Variants in RGS5 observed in about 807,000 individuals in gnomAD.
RGS5 encodes regulator of G protein signaling 5.
RGS5 carries 20 observed loss-of-function variants against 18.9 expected under a neutral mutation model. That is an observed-to-expected ratio of 1.06 (90% CI 0.74 to 1.54). The LOEUF (loss-of-function observed/expected upper bound fraction) is 1.54, where lower values mean the gene tolerates loss of function less well. RGS5 is among the 40% of genes most tolerant of loss of function. RGS5 has a pLI of 0.00. For missense variants in RGS5, 201 were observed against 211.8 expected, an observed-to-expected ratio of 0.95 and a Z score of 0.32; for synonymous variants, 57 against 76.2, an observed-to-expected ratio of 0.75 and a Z score of 1.31.
upstream of RGS5, chr1:163,217,730 G>A: frequency 1.7e-6 from 2 of 1,211,080 alleles, no homozygotes; most frequent in Non-Finnish European, 2.2e-6. Flanking sequence ...TTGAGCTACT[G>A]ACTAAAAGTA....
At position 163,144,545 on chromosome 1, in the gene RGS5, A is replaced by T. The variant is rs1004467951; in HGVS notation, c.*2797T>A. 1 of 152,520 alleles carries T rather than the reference A, an allele frequency of 6.6e-6. No individual in the cohort carries two copies. The allele number at this position is 152,520 out of a possible 1,614,324, so 9.4% of individuals were successfully genotyped here. A position where few individuals can be genotyped will look rare whatever the true frequency, so the allele number is the denominator to read the frequency against. ...CCTCAATTCACTCCCAACAGTAGTT[A>T]CGTTTTCACAGGGGAGGAAAACGCC... On this transcript the variant is annotated 3_prime_UTR_variant, in exon 5 of 5. Transcript: ENST00000313961.
intron 1 of RGS5, among the ~76,000 whole-genome samples, chr1:163,198,699 A>G (rs1659664551): frequency 6.6e-6 from 1 of 152,118 alleles, no homozygotes. Flanking sequence ...AGTAGCAATC[A>G]TAGCTCACTA....
upstream of RGS5, among the ~76,000 whole-genome samples, chr1:163,218,278 T>G (rs908373228): frequency 6.6e-6 from 1 of 152,192 alleles, no homozygotes; most frequent in African/African-American, 2.4e-5. Flanking sequence ...AATTTAGCAT[T>G]TCCTATAATT....
chr1:163,242,973 C>T (rs911951469), intron 2 of RGS5, among the ~76,000 whole-genome samples: 1 of 152,126 alleles, frequency 6.6e-6, no homozygotes, highest in Non-Finnish European at 1.5e-5. Flanking sequence ...TATGTGTTTG[C>T]AAACATTCTA....
intron 1 of RGS5, among the ~76,000 whole-genome samples, chr1:163,178,136 C>T (rs1372906383): frequency 6.6e-6 from 1 of 152,006 alleles, no homozygotes; most frequent in African/African-American, 2.4e-5. Flanking sequence ...ACACTCCCCG[C>T]CGTCTCTTCT....
chr1:163,313,533 G>C (rs1649931153), intron 1 of RGS5, among the ~76,000 whole-genome samples: 1 of 152,154 alleles, frequency 6.6e-6, no homozygotes, highest in African/African-American at 2.4e-5. Flanking sequence ...CATATGTAGG[G>C]CATCTCTGAA....
chr1:163,225,685 C>A (rs1647317024), intron 2 of RGS5, among the ~76,000 whole-genome samples: 1 of 152,112 alleles, frequency 6.6e-6, no homozygotes, highest in African/African-American at 2.4e-5. Context: ...TACCCTGAGG[C>A]ACTTGCTGCA....
At chr1:163,200,658 T>C (rs1659740862) in intron 1 of RGS5, among the ~76,000 whole-genome samples, 1 of 152,124 alleles carries the variant, frequency 6.6e-6, no homozygotes, top group Non-Finnish European at 1.5e-5. Context: ...TAATTAGAAA[T>C]TACAATGACC....
At chr1:163,276,192 C>T (rs1036878117) in intron 2 of RGS5, among the ~76,000 whole-genome samples, 2 of 152,056 alleles carry the variant, frequency 1.3e-5, no homozygotes, top group African/African-American at 2.4e-5. Flanking sequence ...CGGGGTTTCT[C>T]CATGTTGGTC....
At chr1:163,220,170 T>G (rs1456861437), upstream of RGS5, among the ~76,000 whole-genome samples, 1 of 152,222 alleles carries the variant, frequency 6.6e-6, no homozygotes, top group Non-Finnish European at 1.5e-5. Flanking sequence ...GTTGAGCTCC[T>G]TTATATGTAC....
At chr1:163,318,190 G>A (rs941606359) in intron 1 of RGS5, among the ~76,000 whole-genome samples, 3 of 152,152 alleles carry the variant, frequency 2.0e-5, no homozygotes, top group Admixed American at 1.3e-4. Flanking sequence ...TCATGAATGC[G>A]AAGTGGGTAG....
At chr1:163,173,148 A>G (rs917777679) in intron 1 of RGS5, among the ~76,000 whole-genome samples, 1 of 152,174 alleles carries the variant, frequency 6.6e-6, no homozygotes, top group East Asian at 1.9e-4. Flanking sequence ...GCTCTATTTG[A>G]CTGCACACTA....
chr1:163,205,764 A>G (rs995476158), upstream of RGS5, among the ~76,000 whole-genome samples: 2 of 152,230 alleles, frequency 1.3e-5, no homozygotes, highest in African/African-American at 4.8e-5. Flanking sequence ...TCATCAGATG[A>G]AAAGGATCTC....
At chr1:163,181,871 C>A (rs796496839) in intron 1 of RGS5, among the ~76,000 whole-genome samples, 10 of 152,188 alleles carry the variant, frequency 6.6e-5, no homozygotes, top group African/African-American at 2.2e-4. Context: ...TCTTACTTAC[C>A]AGCAGAGTGA....
intron 1 of RGS5, among the ~76,000 whole-genome samples, chr1:163,214,422 C>T (rs774546378): frequency 2.6e-4 from 39 of 152,120 alleles, no homozygotes; most frequent in African/African-American, 8.0e-4. Flanking sequence ...CCTTCAGAAA[C>T]GAACACCTTC....
At chr1:163,169,808 T>TA (rs1406615726) in intron 1 of RGS5, among the ~76,000 whole-genome samples, 2 of 152,178 alleles carry the variant, frequency 1.3e-5, no homozygotes, top group African/African-American at 2.4e-5. Flanking sequence ...TATTTCTCTA[T>TA]AAAATTTTTG....
At chr1:163,176,621 C>CAAAAA (rs11397464) in intron 1 of RGS5, among the ~76,000 whole-genome samples, 1 of 142,022 alleles carries the variant, frequency 7.0e-6, no homozygotes, top group African/African-American at 2.6e-5. Flanking sequence ...AACTCAGTCT[C>CAAAAA]AAAAAAAAAA....
At chr1:163,180,292 A>G (rs967891442) in intron 1 of RGS5, among the ~76,000 whole-genome samples, 2 of 152,166 alleles carry the variant, frequency 1.3e-5, no homozygotes, top group Non-Finnish European at 2.9e-5. Flanking sequence ...ATCCTGTTAA[A>G]TGTGTCCTTG....
chr1:163,156,114 G>T (rs1173529304), intron 3 of RGS5, among the ~76,000 whole-genome samples: 1 of 152,042 alleles, frequency 6.6e-6, no homozygotes, highest in Non-Finnish European at 1.5e-5. Flanking sequence ...TTCAACCAGG[G>T]GGGATAAAAA....
Sources: allele counts gnomAD v4.1 joint callset (sites outside exome capture counted in the v4.1 genomes callset), GRCh38; gene constraint gnomAD v4.1.1; transcripts MANE v1.5; gene names NCBI Gene and HGNC (gene_info 2026-07-23, HGNC 2026-07-21).